Variants in TSC22D1 observed in about 807,000 individuals in gnomAD.
The protein encoded by TSC22D1 is TSC22 domain family member 1.
TSC22D1 carries 9 observed loss-of-function variants against 74.2 expected under a neutral mutation model. The observed-to-expected ratio is 0.12, with a 90% CI of 0.07 to 0.21. The LOEUF (loss-of-function observed/expected upper bound fraction) is 0.21, where lower values mean the gene tolerates loss of function less well. Ranked by LOEUF, TSC22D1 falls within the 10% of genes least tolerant of loss-of-function variation. The probability of loss-of-function intolerance (pLI) is 1.00; values close to 1 mark genes in which losing one functional copy is unlikely to be tolerated. For synonymous variants in TSC22D1, 586 were observed against 492.5 expected (o/e 1.19, Z -2.51); for missense variants, 1,427 against 1,304.7 (o/e 1.09, Z -1.44).
intron 1 of TSC22D1, among the ~76,000 whole-genome samples, chr13:44,515,620 TA>T (rs1879944314): frequency 6.6e-6 from 1 of 152,086 alleles, no homozygotes; most frequent in African/African-American, 2.4e-5. Context: ...GTATTTTTAA[TA>T]GAGACAGGGT....
At chr13:44,520,431 G>A (rs1880257682) in intron 1 of TSC22D1, among the ~76,000 whole-genome samples, 1 of 152,098 alleles carries the variant, frequency 6.6e-6, no homozygotes, top group Non-Finnish European at 1.5e-5. Flanking sequence ...TATCAGAGGT[G>A]GAAGCAAGAT....
rs1449847179 is a variant in TSC22D1, at chr13:44,536,947, A to AG, written c.2912+36215_2912+36216insC. 1.1e-4 allele frequency: 91 copies of AG among 825,332 alleles called. 1 individual carries two copies. The highest frequency in any genetic ancestry group is 1.2e-4 in the Non-Finnish European group (87 of 698,328). The allele number at this position is 825,332 out of a possible 1,614,324, so 51.1% of individuals were successfully genotyped here. On this transcript the variant is annotated intron_variant, in intron 1 of 2. Coordinates refer to ENST00000458659, the MANE Select transcript of TSC22D1 (RefSeq NM_183422.4). ...TTCTGAAAAAAAAAAAAAAAAAAAAAAAAAAAAAAAAACAAAAAAAACTAA... is the reference window on the plus strand; with the variant it reads ...TTCTGAAAAAAAAAAAAAAAAAAAAAGAAAAAAAAAAAACAAAAAAAACTAA...
At chr13:44,460,615 T>C (rs1876947299) in intron 1 of TSC22D1, among the ~76,000 whole-genome samples, 1 of 152,196 alleles carries the variant, frequency 6.6e-6, no homozygotes, top group Non-Finnish European at 1.5e-5. Flanking sequence ...ACAGAGGCCA[T>C]CTCTGCCCTC....
chr13:44,446,214 T>G (rs1186975798), intron 1 of TSC22D1, among the ~76,000 whole-genome samples: 1 of 152,176 alleles, frequency 6.6e-6, no homozygotes, highest in Non-Finnish European at 1.5e-5. Flanking sequence ...CATAACAACC[T>G]GAATGAATCT....
rs184419382 is a variant in TSC22D1, at chr13:44,567,017, T to A, written c.2912+6146A>T. ...CAGATTCCCAACTGTCCCTCCCTAA[T>A]CCCAAGAAAAAAAAAGGAATATTGT... is the stretch of plus-strand genomic sequence containing the variant. On this transcript the variant is annotated intron_variant, in intron 1 of 2. Transcript: ENST00000458659. Among the ~76,000 whole-genome samples the A allele has an allele frequency of 8.0e-5, 12 of 150,664 alleles. No homozygotes were observed. The East Asian group carries it at 2.3e-3, about 29-fold the overall frequency.
Position 44,498,098 on chromosome 13 carries a change from AC to A in TSC22D1, c.2913-62004del, listed in dbSNP as rs369258348. Reference sequence around the variant, plus strand: ...GCAACATGATAAAACCAAAAAAAAAACCAAAAAAAAAAATGTCTCCACAAAA... The same window carrying A: ...GCAACATGATAAAACCAAAAAAAAAACAAAAAAAAAAATGTCTCCACAAAA... On this transcript the variant is annotated intron_variant, in intron 1 of 2. Coordinates refer to ENST00000458659, the MANE Select transcript of TSC22D1 (RefSeq NM_183422.4). 8.1e-5 allele frequency among the ~76,000 whole-genome samples: 12 copies of A among 147,868 alleles called. 1 individual carries two copies. Among genetic ancestry groups the A allele is most frequent in the South Asian group, 6.4e-4 (3 of 4,666 alleles).
chr13:44,480,675 G>C (rs1192197104), intron 1 of TSC22D1, among the ~76,000 whole-genome samples: 1 of 152,152 alleles, frequency 6.6e-6, no homozygotes, highest in Admixed American at 6.5e-5. Context: ...AGACATCCAA[G>C]TAGATATGTT....
chr13:44,506,848 G>A (rs567854967), intron 1 of TSC22D1, among the ~76,000 whole-genome samples: 106 of 152,202 alleles, frequency 7.0e-4, no homozygotes, highest in African/African-American at 2.4e-3. Flanking sequence ...GGGATAGAGA[G>A]GAGAAGAACA....
At chr13:44,499,766 T>G (rs1451691660) in intron 1 of TSC22D1, among the ~76,000 whole-genome samples, 1 of 152,180 alleles carries the variant, frequency 6.6e-6, no homozygotes, top group Non-Finnish European at 1.5e-5. Context: ...TTTATTATTA[T>G]TTCCATCTTT....
At chr13:44,570,351 T>C (rs141832719) in intron 1 of TSC22D1, among the ~76,000 whole-genome samples, 3,898 of 152,022 alleles carry the variant, frequency 0.026, 75 homozygotes, top group Admixed American at 0.051. Flanking sequence ...CCACCATGCC[T>C]GGCTAATTTT....
At chr13:44,536,267 T>C (rs984864893) in intron 1 of TSC22D1, among the ~76,000 whole-genome samples, 2 of 151,962 alleles carry the variant, frequency 1.3e-5, no homozygotes, top group African/African-American at 4.8e-5. Context: ...ACTTCTTGCC[T>C]AGGACCCCAT....
chr13:44,497,591 G>C (rs758712594), intron 1 of TSC22D1, among the ~76,000 whole-genome samples: 6 of 152,178 alleles, frequency 3.9e-5, no homozygotes, highest in African/African-American at 4.8e-5. Context: ...CAAAACACCT[G>C]TGGCCTTAAT....
chr13:44,533,916 A>G (rs867169773), intron 1 of TSC22D1, among the ~76,000 whole-genome samples: 1 of 152,210 alleles, frequency 6.6e-6, no homozygotes, highest in African/African-American at 2.4e-5. Context: ...CACTTTTTCT[A>G]CATCAAAAGG....
Position 44,575,078 on chromosome 13 carries a change from G to A in TSC22D1, c.997C>T (p.Leu333Phe), listed in dbSNP as rs771431191. ...SFNPNVTSSM[L>F]GNVNISTSNI... ...CTTGTACTTATATTAACATTACCAA[G>A]CATGCTGCTTGTCACATTAGGATTA... is the stretch of plus-strand genomic sequence containing the variant. The change falls in exon 1 of 3, where the codon CTT (leucine) becomes TTT (phenylalanine). Residue 333 changes from leucine (L) to phenylalanine (F), a missense_variant. This residue lies in a region of TSC22D1 where 1,343 missense variants were observed against 1,191.5 expected (regional missense o/e 1.13). Transcript: ENST00000458659. The A allele has an allele frequency of 2.5e-6, 4 of 1,614,030 alleles. No individual in the cohort carries two copies. The Admixed American group carries it at 6.7e-5, about 27-fold the overall frequency.
rs561483221 is a variant in TSC22D1 at position 44,576,136 on chromosome 13, G to A, written c.-62C>T. 4.9e-6 allele frequency: 7 copies of A among 1,423,536 alleles called. No homozygotes were observed. The highest frequency in any genetic ancestry group is 6.4e-6 in the Non-Finnish European group (7 of 1,093,190). 88.2% of individuals were successfully genotyped at this position (1,423,536 alleles called of 1,614,324 possible). ...AATTTCCTTCTGCACCGTAATCTTTGTATTGGAGACGCCGGAGAGGAAAAC... is the reference window on the plus strand; with the variant it reads ...AATTTCCTTCTGCACCGTAATCTTTATATTGGAGACGCCGGAGAGGAAAAC... On this transcript the variant is annotated 5_prime_UTR_variant, in exon 1 of 3. Coordinates refer to ENST00000458659, the MANE Select transcript of TSC22D1 (RefSeq NM_183422.4).
intron 1 of TSC22D1, chr13:44,536,916 G>C (rs1251503090): frequency 1.3e-5 from 1 of 77,942 alleles, no homozygotes; most frequent in African/African-American, 1.2e-4. Flanking sequence ...GTTCAAAAAA[G>C]TATTTTTCTG....
At chr13:44,510,733 C>T (rs1325905887) in intron 1 of TSC22D1, among the ~76,000 whole-genome samples, 1 of 152,048 alleles carries the variant, frequency 6.6e-6, no homozygotes, top group African/African-American at 2.4e-5. Flanking sequence ...GCTGGAACTA[C>T]AGGAATGCAC....
In TSC22D1 at chr13:44,568,072, G is replaced by GCC. The variant is rs1220359135; in HGVS notation, c.2912+5090_2912+5091insGG. ...TTTCTCAAAAGCAATATGGATGTTA[G>GCC]AAGGCAATGGCACAAAATATAAGAG... On this transcript the variant is annotated intron_variant, in intron 1 of 2. Coordinates refer to ENST00000458659, the MANE Select transcript of TSC22D1 (RefSeq NM_183422.4). Among the ~76,000 whole-genome samples the GCC allele has an allele frequency of 9.1e-3, 1,387 of 152,316 alleles. 16 individuals carry two copies. Among genetic ancestry groups the GCC allele is most frequent in the African/African-American group, 0.031 (1,309 of 41,572 alleles).
In TSC22D1 at chr13:44,551,378, CCAAT is replaced by C. The variant is rs557998574; in HGVS notation, c.2912+21781_2912+21784del. Among the ~76,000 whole-genome samples the C allele has an allele frequency of 7.1e-5, 9 of 127,392 alleles. No individual in the cohort carries two copies. In the East Asian group the frequency reaches 1.2e-3, roughly 17 times the overall value. The allele number at this position is 127,392 out of a possible 152,430, so 83.6% of individuals were successfully genotyped here. ...AAAACTAAAACAAAAACCCAAAACC[CCAAT>C]CAGATGGGTGTGTGTGTGTGTGTGT... On this transcript the variant is annotated intron_variant, in intron 1 of 2. Coordinates refer to ENST00000458659, the MANE Select transcript of TSC22D1 (RefSeq NM_183422.4).
Sources: gnomAD v4.1 joint callset for allele counts (sites outside exome capture counted in the v4.1 genomes callset) on GRCh38, gnomAD v4.1.1 for gene constraint, gnomAD v4.1.1 regional missense constraint, MANE v1.5 for transcripts, NCBI Gene and HGNC (gene_info 2026-07-23, HGNC 2026-07-21) for gene names.